The following ADCY2 variants were observed in gnomAD, a reference collection of about 807,000 sequenced individuals.
ADCY2 encodes the protein adenylate cyclase 2.
ADCY2 carries 31 observed loss-of-function variants against 125.2 expected under a neutral mutation model. The observed-to-expected ratio is 0.25, with a 90% CI of 0.19 to 0.33. The LOEUF is 0.33. ADCY2 is among the 10% of genes least tolerant of loss of function. The probability of loss-of-function intolerance (pLI) is 1.00; values close to 1 mark genes in which losing one functional copy is unlikely to be tolerated. For synonymous variants in ADCY2, 512 were observed against 548.4 expected (o/e 0.93, Z 0.93); for missense variants, 904 against 1,418.2 (o/e 0.64, Z 5.82).
At chr5:7,434,397 G>A (rs1198662515) in intron 2 of ADCY2, among the ~76,000 whole-genome samples, 1 of 152,156 alleles carries the variant, frequency 6.6e-6, no homozygotes, top group African/African-American at 2.4e-5. Flanking sequence ...TAACATATGG[G>A]GCATAGTTTA....
At chr5:7,602,131 A>G (rs1404122363) in intron 3 of ADCY2, among the ~76,000 whole-genome samples, 1 of 152,330 alleles carries the variant, frequency 6.6e-6, no homozygotes, top group East Asian at 1.9e-4. Flanking sequence ...CTAACCTATG[A>G]TGATCTTATC....
chr5:7,509,907 G>A (rs187011366), intron 2 of ADCY2, among the ~76,000 whole-genome samples: 11 of 152,234 alleles, frequency 7.2e-5, no homozygotes, highest in East Asian at 3.9e-4. Flanking sequence ...GCTTTTCACT[G>A]TAAGAAAGAT....
rs112511922 is a variant in ADCY2 at position 7,687,796 on chromosome 5, C to G, written c.721-2895C>G. Among the ~76,000 whole-genome samples, 216 of 152,298 alleles carry G rather than the reference C, an allele frequency of 1.4e-3. 1 individual carries two copies. Among genetic ancestry groups the G allele is most frequent in the Non-Finnish European group, 2.8e-3 (188 of 68,024 alleles). The stretch of plus-strand genomic sequence containing the variant: ...CAGCTATAAGAAGCATAGCTAGAAA[C>G]TCATGTAAACACTGGGAAAGTTGAC... On this transcript the variant is annotated intron_variant, in intron 4 of 24. Coordinates refer to ENST00000338316, the MANE Select transcript of ADCY2 (RefSeq NM_020546.3).
chr5:7,711,292 T>C (rs1349006993), intron 10 of ADCY2, among the ~76,000 whole-genome samples: 1 of 152,180 alleles, frequency 6.6e-6, no homozygotes, highest in Admixed American at 6.5e-5. Flanking sequence ...AGGACTCCAG[T>C]ATCCAACCAG....
chr5:7,525,990 T>C (rs1454853217), intron 3 of ADCY2, among the ~76,000 whole-genome samples: 1 of 152,086 alleles, frequency 6.6e-6, no homozygotes, highest in Non-Finnish European at 1.5e-5. Context: ...ACCCCACACA[T>C]GTGTGGATCC....
At chr5:7,825,793 G>T (rs1278264824) in intron 24 of ADCY2, among the ~76,000 whole-genome samples, 1 of 152,178 alleles carries the variant, frequency 6.6e-6, no homozygotes, top group Admixed American at 6.5e-5. Context: ...GGCAGGCGCG[G>T]GCCCACAGTC....
chr5:7,820,582 G>A lies in ADCY2; in HGVS notation c.3016G>A (p.Val1006Met). Reference sequence around the variant, plus strand: ...TGGCACAGGTATTAACCATGGACCTGTGATAGCTGGTGTGATTGGAGCTCA... The same window carrying A: ...TGGCACAGGTATTAACCATGGACCTATGATAGCTGGTGTGATTGGAGCTCA... ...KLRVGINHGP[V>M]IAGVIGAQKP... The change falls in exon 24 of 25, where the codon GTG becomes ATG. Residue 1006 changes from valine to methionine, a missense_variant. Around this residue, in one of 7 missense-constraint regions of ADCY2, gnomAD observed 181 missense variants for 381.6 expected, o/e 0.47. Coordinates refer to ENST00000338316, the MANE Select transcript of ADCY2 (RefSeq NM_020546.3). The A allele has an allele frequency of 6.2e-7, 1 of 1,613,950 alleles. No homozygotes were observed. Among genetic ancestry groups the A allele is most frequent in the Non-Finnish European group, 8.5e-7 (1 of 1,179,882 alleles).
chr5:7,584,440 G>A (rs925954457), intron 3 of ADCY2, among the ~76,000 whole-genome samples: 10 of 151,948 alleles, frequency 6.6e-5, no homozygotes, highest in African/African-American at 2.4e-4. Flanking sequence ...TAAATACTCA[G>A]GTATAATAAG....
In ADCY2 at chr5:7,827,047, C is replaced by A; in HGVS notation, c.*176C>A. 1.4e-6 allele frequency: 1 copy of A among 737,804 alleles called. No homozygotes were observed. Among genetic ancestry groups the A allele is most frequent in the East Asian group, 2.8e-5 (1 of 36,202 alleles). 45.7% of individuals were successfully genotyped at this position (737,804 alleles called of 1,614,324 possible). A position where few individuals can be genotyped will look rare whatever the true frequency, so the allele number is the denominator to read the frequency against. On this transcript the variant is annotated 3_prime_UTR_variant, in exon 25 of 25. Coordinates refer to ENST00000338316, the MANE Select transcript of ADCY2 (RefSeq NM_020546.3). ...TTTGGTGTCTGATGTGTGCCCAGAT[C>A]GTTCTGCCACTTGCACTGTGCTTGC... is the stretch of plus-strand genomic sequence containing the variant.
chr5:7,714,439 G>T (rs1303662878), intron 11 of ADCY2, among the ~76,000 whole-genome samples: 2 of 152,238 alleles, frequency 1.3e-5, no homozygotes, highest in South Asian at 2.1e-4. Flanking sequence ...ATGATAAGAA[G>T]CTGTTGTTTT....
At chr5:7,489,576 C>T (rs180686759) in intron 2 of ADCY2, among the ~76,000 whole-genome samples, 62 of 152,286 alleles carry the variant, frequency 4.1e-4, no homozygotes, top group African/African-American at 1.0e-3. Context: ...TCTTGCCTGC[C>T]GCCATGTAAG....
intron 3 of ADCY2, among the ~76,000 whole-genome samples, chr5:7,620,186 T>C (rs1737908684): frequency 6.6e-6 from 1 of 152,144 alleles, no homozygotes; most frequent in South Asian, 2.1e-4. Flanking sequence ...ACATGATGCC[T>C]GCTATTCAAA....
At chr5:7,640,941 C>T (rs1024180084) in intron 4 of ADCY2, among the ~76,000 whole-genome samples, 2 of 152,166 alleles carry the variant, frequency 1.3e-5, no homozygotes, top group African/African-American at 4.8e-5. Flanking sequence ...ATTTGCTTTT[C>T]TGATGCCTCA....
Position 7,558,882 on chromosome 5 carries a change from G to A in ADCY2, c.570+37983G>A, listed in dbSNP as rs572343544. Among the ~76,000 whole-genome samples the A allele has an allele frequency of 2.0e-5, 3 of 152,210 alleles. No individual in the cohort carries two copies. In the South Asian group the frequency reaches 6.2e-4, roughly 32 times the overall value. Reference sequence around the variant, plus strand: ...TTGTGTGGTGTAATGAAGGGGTCTGGTTTCAATCTTCTGCATATGGCTAGC... The same window carrying A: ...TTGTGTGGTGTAATGAAGGGGTCTGATTTCAATCTTCTGCATATGGCTAGC... On this transcript the variant is annotated intron_variant, in intron 3 of 24. Transcript: ENST00000338316.
intron 15 of ADCY2, among the ~76,000 whole-genome samples, chr5:7,746,881 T>A (rs1177962825): frequency 6.6e-6 from 1 of 152,236 alleles, no homozygotes; most frequent in Non-Finnish European, 1.5e-5. Context: ...TCATTCTCTG[T>A]TGCACAGAAA....
intron 10 of ADCY2, among the ~76,000 whole-genome samples, chr5:7,710,664 A>G (rs1392109241): frequency 6.6e-6 from 1 of 152,218 alleles, no homozygotes; most frequent in Non-Finnish European, 1.5e-5. Flanking sequence ...AAGGGAGGTC[A>G]TGGGGTGAGA....
intron 3 of ADCY2, among the ~76,000 whole-genome samples, chr5:7,533,775 A>C (rs1418226192): frequency 1.3e-5 from 2 of 152,212 alleles, no homozygotes; most frequent in South Asian, 2.1e-4. Context: ...GTTTTACTGC[A>C]TCAAGATTAG....
intron 9 of ADCY2, among the ~76,000 whole-genome samples, chr5:7,708,651 A>G (rs1741341018): frequency 6.6e-6 from 1 of 152,224 alleles, no homozygotes; most frequent in African/African-American, 2.4e-5. Flanking sequence ...GATCAACTTT[A>G]TGGACATTTA....
At chr5:7,644,186 C>A (rs1738810731) in intron 4 of ADCY2, among the ~76,000 whole-genome samples, 1 of 152,070 alleles carries the variant, frequency 6.6e-6, no homozygotes, top group Non-Finnish European at 1.5e-5. Flanking sequence ...TCAATACTTA[C>A]CCACTTCTTA....
Sources: allele counts gnomAD v4.1 joint callset (sites outside exome capture counted in the v4.1 genomes callset), GRCh38; gene constraint gnomAD v4.1.1; regional missense constraint gnomAD v4.1.1; transcripts MANE v1.5; gene names NCBI Gene and HGNC (gene_info 2026-07-23, HGNC 2026-07-21).